SPINK6: variants seen among roughly 807,000 people sequenced by gnomAD.
The protein encoded by SPINK6 is serine peptidase inhibitor Kazal type 6.
In SPINK6, 13 loss-of-function variants were observed where a neutral mutation model predicts 11.7. The observed-to-expected ratio is 1.11, with a 90% CI of 0.72 to 1.76. SPINK6 has a LOEUF of 1.76. SPINK6 is among the 40% of genes most tolerant of loss of function. The pLI, the probability that SPINK6 is intolerant of heterozygous loss-of-function variation, is 0.00. For missense variants in SPINK6, 98 were observed against 93.7 expected (o/e 1.05, Z -0.19); for synonymous variants, 21 against 31.9 (o/e 0.66, Z 1.15).
chr5:148,212,510 TTA>T (rs1001193891), intron 2 of SPINK6, among the ~76,000 whole-genome samples: 8 of 116,988 alleles, frequency 6.8e-5, no homozygotes, highest in Admixed American at 2.0e-4. Flanking sequence ...AGTATATATT[TTA>T]TATATATAAA....
chr5:148,205,916 C>T (rs905720007), intron 1 of SPINK6, 120 bp from the exon 2 acceptor site: 31 of 1,013,530 alleles, frequency 3.1e-5, no homozygotes, highest in East Asian at 7.7e-5. Flanking sequence ...AAAAAAAATA[C>T]GATGACTTTT....
At chr5:148,205,403 G>A (rs1166940126) in intron 1 of SPINK6, among the ~76,000 whole-genome samples, 1 of 152,146 alleles carries the variant, frequency 6.6e-6, no homozygotes, top group Admixed American at 6.5e-5. Flanking sequence ...ACAATATTAA[G>A]AGAAAGGAAA....
intron 2 of SPINK6, among the ~76,000 whole-genome samples, chr5:148,211,408 T>A (rs1022259824): frequency 6.6e-6 from 1 of 152,136 alleles, no homozygotes; most frequent in Non-Finnish European, 1.5e-5. Context: ...GTTACAGAGA[T>A]CTTTTAGAGC....
chr5:148,214,054 C>T, intron 3 of SPINK6, 29 bp downstream of exon 3: 1 of 1,371,054 alleles, frequency 7.3e-7, no homozygotes, highest in South Asian at 1.2e-5. Flanking sequence ...AAAGCTGACC[C>T]TTGCAAACAC....
At chr5:148,204,628 A>G (rs888795702) in intron 1 of SPINK6, among the ~76,000 whole-genome samples, 24 of 151,942 alleles carry the variant, frequency 1.6e-4, no homozygotes, top group African/African-American at 5.6e-4. Context: ...ATAAACATAT[A>G]AAGGACTATC....
At chr5:148,212,109 T>C (rs1404509451) in intron 2 of SPINK6, among the ~76,000 whole-genome samples, 1 of 151,962 alleles carries the variant, frequency 6.6e-6, no homozygotes, top group Non-Finnish European at 1.5e-5. Flanking sequence ...TTGAAAACAA[T>C]CTTAAAACTC....
chr5:148,208,043 A>G (rs1755522952), intron 2 of SPINK6, among the ~76,000 whole-genome samples: 1 of 152,190 alleles, frequency 6.6e-6, no homozygotes, highest in South Asian at 2.1e-4. Flanking sequence ...AAGAGGAGGC[A>G]AACTGTATTG....
rs370455520 is a variant in SPINK6 at position 148,207,311 on chromosome 5, A to G, written c.81+1253A>G. ...ATTTAATCCTAGTTTTCTCATTAAC[A>G]CACACGTTACTTCCCTTCTTTGAAC... On this transcript the variant is annotated intron_variant, in intron 2 of 3. Coordinates refer to ENST00000325630, the MANE Select transcript of SPINK6 (RefSeq NM_205841.4). 5.3e-5 allele frequency among the ~76,000 whole-genome samples: 8 copies of G among 152,270 alleles called. No individual in the cohort carries two copies. In the East Asian group the frequency reaches 1.4e-3, roughly 26 times the overall value.
chr5:148,211,583 G>T (rs1255364838), intron 2 of SPINK6, among the ~76,000 whole-genome samples: 1 of 152,100 alleles, frequency 6.6e-6, no homozygotes, highest in African/African-American at 2.4e-5. Context: ...GTTCCTTGTT[G>T]TTTCTTGGTT....
At chr5:148,210,039 T>C (rs116195197) in intron 2 of SPINK6, among the ~76,000 whole-genome samples, 4,789 of 150,360 alleles carry the variant, frequency 0.032, 335 homozygotes, top group East Asian at 0.12. Flanking sequence ...TGCACAAACG[T>C]ATGTATGCAT....
intron 2 of SPINK6, among the ~76,000 whole-genome samples, chr5:148,211,893 A>AC (rs1222323486): frequency 2.0e-5 from 3 of 152,166 alleles, no homozygotes; most frequent in African/African-American, 7.2e-5. Context: ...GTGTGAAAGT[A>AC]GCTGGAATAT....
At chr5:148,211,914 T>C (rs1755603573) in intron 2 of SPINK6, among the ~76,000 whole-genome samples, 2 of 152,148 alleles carry the variant, frequency 1.3e-5, no homozygotes, top group African/African-American at 4.8e-5. Context: ...TTTGAAGCAA[T>C]TGATAAACAC....
intron 3 of SPINK6, 36 bp from the exon 4 acceptor site, chr5:148,214,868 AT>A (rs776864566): frequency 6.4e-6 from 10 of 1,558,982 alleles, no homozygotes; most frequent in Non-Finnish European, 8.8e-6. Context: ...TACTTACGAT[AT>A]TGCACTGAGT....
intron 2 of SPINK6, among the ~76,000 whole-genome samples, chr5:148,208,391 A>G (rs1351891450): frequency 6.6e-6 from 1 of 152,194 alleles, no homozygotes; most frequent in African/African-American, 2.4e-5. Context: ...GAAGACATTG[A>G]AACTATCATT....
At chr5:148,203,246 G>T (rs969511237) in intron 1 of SPINK6, 92 bp downstream of exon 1, 3 of 910,782 alleles carry the variant, frequency 3.3e-6, no homozygotes, top group Admixed American at 2.6e-5. Flanking sequence ...TAATGATTTT[G>T]ATGTAAAAGA....
chr5:148,213,875 C>T (rs776561428), intron 2 of SPINK6, 35 bp from the exon 3 acceptor site: 3 of 1,060,920 alleles, frequency 2.8e-6, no homozygotes, highest in African/African-American at 3.0e-5. Flanking sequence ...TCTTAGAATG[C>T]ACTGATGTCA....
intron 1 of SPINK6, among the ~76,000 whole-genome samples, chr5:148,204,657 T>A (rs1381808715): frequency 6.6e-6 from 1 of 151,968 alleles, no homozygotes; most frequent in African/African-American, 2.4e-5. Flanking sequence ...GAGAATTAAA[T>A]GAGAAAAAGG....
At chr5:148,212,621 A>T (rs1755622361) in intron 2 of SPINK6, among the ~76,000 whole-genome samples, 1 of 101,132 alleles carries the variant, frequency 9.9e-6, no homozygotes, top group African/African-American at 4.4e-5. Flanking sequence ...TATTTATATT[A>T]TATATTATAT....
chr5:148,203,003 G>A, upstream of SPINK6: 1 of 961,504 alleles, frequency 1.0e-6, no homozygotes, highest in Non-Finnish European at 1.6e-6. Flanking sequence ...GGACTCATGT[G>A]GTCTGAATGT....
Sources: allele counts gnomAD v4.1 joint callset (sites outside exome capture counted in the v4.1 genomes callset), GRCh38; gene constraint gnomAD v4.1.1; transcripts MANE v1.5; gene names NCBI Gene and HGNC (gene_info 2026-07-23, HGNC 2026-07-21).